Variants in SGCZ observed in about 807,000 individuals in gnomAD.
SGCZ encodes sarcoglycan zeta.
A neutral mutation model predicts 41.3 loss-of-function variants in SGCZ; 40 were observed. That is an observed-to-expected ratio of 0.97 (90% CI 0.75 to 1.26). The LOEUF is 1.26. Among genes scored for constraint, SGCZ ranks in the 50% most tolerant of loss-of-function variants. The pLI is 0.00. For synonymous variants in SGCZ, 206 were observed against 137.5 expected, an observed-to-expected ratio of 1.50 and a Z score of -3.49; for missense variants, 552 against 369.8, an observed-to-expected ratio of 1.49 and a Z score of -4.04.
chr8:14,370,053 T>C (rs767772740), intron 2 of SGCZ, among the ~76,000 whole-genome samples: 1 of 152,012 alleles, frequency 6.6e-6, no homozygotes, highest in Non-Finnish European at 1.5e-5. Context: ...AAGATCTACT[T>C]ACTTCTGATT....
chr8:14,284,644 CTTACT>C (rs1800562825), intron 3 of SGCZ, among the ~76,000 whole-genome samples: 1 of 152,084 alleles, frequency 6.6e-6, no homozygotes, highest in Non-Finnish European at 1.5e-5. Context: ...AGCCTGTCTT[CTTACT>C]TTATTTCCCT....
At chr8:14,999,042 C>A (rs2130907433) in intron 1 of SGCZ, among the ~76,000 whole-genome samples, 1 of 152,214 alleles carries the variant, frequency 6.6e-6, no homozygotes, top group South Asian at 2.1e-4. Flanking sequence ...TGTTGTGTCC[C>A]AGGTGATGTT....
At chr8:14,394,289 T>C (rs1235901344) in intron 2 of SGCZ, among the ~76,000 whole-genome samples, 1 of 151,934 alleles carries the variant, frequency 6.6e-6, no homozygotes, top group Non-Finnish European at 1.5e-5. Flanking sequence ...TAGCTGGGAC[T>C]ACAGGCATGC....
At chr8:14,764,990 A>T (rs1186456986) in intron 1 of SGCZ, among the ~76,000 whole-genome samples, 1 of 152,214 alleles carries the variant, frequency 6.6e-6, no homozygotes, top group Non-Finnish European at 1.5e-5. Flanking sequence ...TAACTTTCGT[A>T]GAGCTTTAAA....
At chr8:15,133,807 G>A (rs1334515357) in intron 1 of SGCZ, among the ~76,000 whole-genome samples, 6 of 152,134 alleles carry the variant, frequency 3.9e-5, no homozygotes, top group Admixed American at 3.9e-4. Flanking sequence ...AGCAGAAAAT[G>A]AGCCTAATGA....
At chr8:15,113,300 G>T (rs755167894) in intron 1 of SGCZ, among the ~76,000 whole-genome samples, 6 of 151,800 alleles carry the variant, frequency 4.0e-5, no homozygotes, top group Admixed American at 1.3e-4. Flanking sequence ...CTATGTGAAA[G>T]CCCTAATTTT....
intron 3 of SGCZ, among the ~76,000 whole-genome samples, chr8:14,239,914 A>T (rs865779646): frequency 1.2e-5 from 1 of 84,276 alleles, no homozygotes; most frequent in Non-Finnish European, 2.4e-5. Context: ...AAAAAAAAAA[A>T]AAAAAAAAAA....
chr8:14,850,431 T>C (rs1803273489), intron 1 of SGCZ, among the ~76,000 whole-genome samples: 2 of 152,000 alleles, frequency 1.3e-5, no homozygotes, highest in South Asian at 4.2e-4. Context: ...AACAAAGGGA[T>C]GGTTAGTTTT....
chr8:14,776,076 T>C (rs1357236061), intron 1 of SGCZ, among the ~76,000 whole-genome samples: 3 of 152,166 alleles, frequency 2.0e-5, no homozygotes, highest in African/African-American at 7.2e-5. Context: ...AGTTAAAAAA[T>C]GGTGATACTG....
intron 1 of SGCZ, among the ~76,000 whole-genome samples, chr8:14,970,627 A>G (rs1052776837): frequency 6.6e-6 from 1 of 152,122 alleles, no homozygotes; most frequent in Non-Finnish European, 1.5e-5. Flanking sequence ...GTGTGCACCT[A>G]TTTCTTGACC....
intron 1 of SGCZ, among the ~76,000 whole-genome samples, chr8:14,565,831 A>T (rs1412357419): frequency 6.6e-6 from 1 of 152,212 alleles, no homozygotes; most frequent in Admixed American, 6.5e-5. Flanking sequence ...GATAATAAAG[A>T]GAAAGACACC....
chr8:14,690,188 A>G (rs1214182081), intron 1 of SGCZ, among the ~76,000 whole-genome samples: 2 of 151,044 alleles, frequency 1.3e-5, no homozygotes, highest in Non-Finnish European at 2.9e-5. Flanking sequence ...ATAGGATACT[A>G]CAGGAAGCAT....
intron 2 of SGCZ, among the ~76,000 whole-genome samples, chr8:14,330,865 A>T (rs1802293822): frequency 6.6e-6 from 1 of 152,024 alleles, no homozygotes; most frequent in Admixed American, 6.5e-5. Context: ...AAATCTGATG[A>T]ATGATTTATC....
chr8:15,097,822 GTA>G lies in SGCZ; in HGVS notation c.39+139761_39+139762del, dbSNP rs1169671386. On this transcript the variant is annotated intron_variant, in intron 1 of 7. Transcript: ENST00000382080. The stretch of plus-strand genomic sequence containing the variant: ...CGTGTATATATATATATACGTGTGT[GTA>G]TATATATATACGTGTGTGTATATAT... Among the ~76,000 whole-genome samples the G allele has an allele frequency of 1.5e-4, 15 of 100,072 alleles. 2 individuals are homozygous for G. The highest frequency in any genetic ancestry group is 6.3e-4 in the African/African-American group (14 of 22,068). The allele number at this position is 100,072 out of a possible 152,430, so 65.7% of individuals were successfully genotyped here.
intron 2 of SGCZ, among the ~76,000 whole-genome samples, chr8:14,331,372 A>T (rs1802314553): frequency 6.6e-6 from 1 of 152,124 alleles, no homozygotes. Context: ...CATGTGGTTT[A>T]TGCTGTGTTT....
intron 1 of SGCZ, among the ~76,000 whole-genome samples, chr8:14,762,009 T>C (rs1473139010): frequency 2.0e-5 from 3 of 152,066 alleles, no homozygotes; most frequent in Non-Finnish European, 4.4e-5. Context: ...AACTACACAA[T>C]GGAAAGTTTT....
chr8:15,004,824 C>A (rs766300292), intron 1 of SGCZ, among the ~76,000 whole-genome samples: 7 of 152,128 alleles, frequency 4.6e-5, no homozygotes, highest in Non-Finnish European at 1.0e-4. Context: ...TGACTCAACA[C>A]TAGGTGACAA....
chr8:14,099,327 A>T (rs553250410), intron 7 of SGCZ, among the ~76,000 whole-genome samples: 2 of 152,210 alleles, frequency 1.3e-5, no homozygotes, highest in African/African-American at 2.4e-5. Context: ...CCTGATCTCA[A>T]TCACATCCCT....
intron 1 of SGCZ, among the ~76,000 whole-genome samples, chr8:15,219,608 A>C (rs1025584053): frequency 6.6e-6 from 1 of 152,174 alleles, no homozygotes; most frequent in Non-Finnish European, 1.5e-5. Flanking sequence ...TTTATTATTC[A>C]ATAGCAGAAG....
Sources: gnomAD v4.1 joint callset for allele counts (sites outside exome capture counted in the v4.1 genomes callset) on GRCh38, gnomAD v4.1.1 for gene constraint, MANE v1.5 for transcripts, NCBI Gene and HGNC (gene_info 2026-07-23, HGNC 2026-07-21) for gene names.